GOLGA8B: variants seen among roughly 807,000 people sequenced by gnomAD.
GOLGA8B encodes the protein golgin A8 family member B.
Under a neutral mutation model 15.6 loss-of-function variants are expected in GOLGA8B, and 1 was observed. That is an observed-to-expected ratio of 0.06 (90% confidence interval 0.02 to 0.30). GOLGA8B has a LOEUF of 0.30. GOLGA8B is among the 10% of genes least tolerant of loss of function. The probability of loss-of-function intolerance (pLI) is 1.00; values close to 1 mark genes in which losing one functional copy is unlikely to be tolerated. For synonymous variants in GOLGA8B, 9 were observed against 80.3 expected, an observed-to-expected ratio of 0.11 and a Z score of 4.75; for missense variants, 17 against 201.3, an observed-to-expected ratio of 0.08 and a Z score of 5.54.
At chr15:34,583,085 A>G (rs1291415599) in intron 1 of GOLGA8B, among the ~76,000 whole-genome samples, 3 of 152,088 alleles carry the variant, frequency 2.0e-5, no homozygotes, top group Non-Finnish European at 4.4e-5. Context: ...CAAACTCAGT[A>G]GTTGCCGCCC....
At chr15:34,579,081 G>C (rs1352700093) in intron 1 of GOLGA8B, among the ~76,000 whole-genome samples, 1 of 152,006 alleles carries the variant, frequency 6.6e-6, no homozygotes, top group Non-Finnish European at 1.5e-5. Context: ...CCACAGGCAA[G>C]AGGCCTCATG....
chr15:34,571,481 A>T (rs1453503384), intron 1 of GOLGA8B, among the ~76,000 whole-genome samples: 1 of 151,874 alleles, frequency 6.6e-6, no homozygotes, highest in African/African-American at 2.4e-5. Flanking sequence ...GCACAACAAT[A>T]AAGCAGTAAA....
At chr15:34,575,692 C>G (rs2140354824) in intron 1 of GOLGA8B, among the ~76,000 whole-genome samples, 1 of 152,304 alleles carries the variant, frequency 6.6e-6, no homozygotes, top group South Asian at 2.1e-4. Context: ...CAAACCCACC[C>G]ACTCTTCTAG....
Position 34,576,468 on chromosome 15 carries a change from CAA to C in GOLGA8B, c.-1123+7046_-1123+7047del, listed in dbSNP as rs199657185. On this transcript the variant is annotated intron_variant, in intron 1 of 23. Coordinates refer to ENST00000683415, the MANE Select transcript of GOLGA8B (RefSeq NM_001023567.5). ...TCAAAGCTTCCAACCCAACACAGCA[CAA>C]AGACGTCTTCCCCAACAACCACACA... 6.6e-5 allele frequency among the ~76,000 whole-genome samples: 10 copies of C among 152,348 alleles called. No individual in the cohort carries two copies. The East Asian group carries it at 1.9e-3, about 29-fold the overall frequency.
At chr15:34,572,817 T>C (rs553847512) in intron 1 of GOLGA8B, among the ~76,000 whole-genome samples, 31 of 152,376 alleles carry the variant, frequency 2.0e-4, no homozygotes, top group African/African-American at 7.2e-4. Context: ...ATCTGTGTTA[T>C]ATAGATCTAT....
At chr15:34,579,861 G>A (rs1480577458) in intron 1 of GOLGA8B, among the ~76,000 whole-genome samples, 1 of 152,228 alleles carries the variant, frequency 6.6e-6, no homozygotes, top group Non-Finnish European at 1.5e-5. Context: ...GGGATCCAGA[G>A]GTGAACAAAG....
intron 1 of GOLGA8B, among the ~76,000 whole-genome samples, chr15:34,583,300 G>A (rs1373290562): frequency 1.3e-5 from 2 of 152,106 alleles, no homozygotes; most frequent in Non-Finnish European, 2.9e-5. Flanking sequence ...GTGGGAGGAG[G>A]ATGGGCCGGT....
At chr15:34,576,798 C>G (rs1028035897) in intron 1 of GOLGA8B, among the ~76,000 whole-genome samples, 3 of 152,190 alleles carry the variant, frequency 2.0e-5, no homozygotes, top group Non-Finnish European at 4.4e-5. Context: ...AGCTTTCACG[C>G]GTACCAGCCA....
rs963443130 is a variant in GOLGA8B at position 34,526,604 on chromosome 15, T to G, written c.*1028A>C. On this transcript the variant is annotated 3_prime_UTR_variant, in exon 24 of 24. Coordinates refer to ENST00000683415, the MANE Select transcript of GOLGA8B (RefSeq NM_001023567.5). Reference sequence around the variant, plus strand: ...GCCTGTTTCAGAGACATTTAAACTCTTAAAGGATGTCTTATGATCTTTACT... The same window carrying G: ...GCCTGTTTCAGAGACATTTAAACTCGTAAAGGATGTCTTATGATCTTTACT... The G allele has an allele frequency of 6.7e-6, 1 of 149,124 alleles. No individual in the cohort carries two copies. The highest frequency in any genetic ancestry group is 1.5e-5 in the Non-Finnish European group (1 of 67,246). The allele number at this position is 149,124 out of a possible 1,614,324, so 9.2% of individuals were successfully genotyped here. A position where few individuals can be genotyped will look rare whatever the true frequency, so the allele number is the denominator to read the frequency against.
intron 1 of GOLGA8B, among the ~76,000 whole-genome samples, chr15:34,579,289 C>A (rs974147930): frequency 1.3e-5 from 2 of 151,850 alleles, no homozygotes; most frequent in African/African-American, 2.4e-5. Flanking sequence ...GAGAGTCAAG[C>A]AGGAGGAGGC....
chr15:34,579,355 T>C (rs1889167901), intron 1 of GOLGA8B, among the ~76,000 whole-genome samples: 2 of 151,916 alleles, frequency 1.3e-5, no homozygotes, highest in African/African-American at 4.8e-5. Flanking sequence ...TGACATTAGG[T>C]ACAAGACAAG....
intron 1 of GOLGA8B, among the ~76,000 whole-genome samples, chr15:34,576,245 T>C (rs1393896219): frequency 1.3e-5 from 2 of 152,078 alleles, no homozygotes; most frequent in African/African-American, 2.4e-5. Flanking sequence ...TCAAGACAAG[T>C]TGGAGATGAG....
At chr15:34,573,013 A>T (rs556233830) in intron 1 of GOLGA8B, among the ~76,000 whole-genome samples, 1 of 152,024 alleles carries the variant, frequency 6.6e-6, no homozygotes. Flanking sequence ...TACTCAGGAG[A>T]CCGAGGCAGG....
At chr15:34,579,248 C>T (rs565627772) in intron 1 of GOLGA8B, among the ~76,000 whole-genome samples, 11 of 152,038 alleles carry the variant, frequency 7.2e-5, no homozygotes, top group African/African-American at 2.7e-4. Context: ...ACCAAAGCAT[C>T]TTCTCCAACC....
chr15:34,568,601 T>C (rs868703279), intron 1 of GOLGA8B, among the ~76,000 whole-genome samples: 474 of 10,434 alleles, frequency 0.045, no homozygotes, highest in Admixed American at 0.07. Flanking sequence ...GAGGATCACT[T>C]GAGCTCAAGT....
intron 1 of GOLGA8B, among the ~76,000 whole-genome samples, chr15:34,576,094 T>C (rs569305950): frequency 7.2e-4 from 109 of 152,258 alleles, no homozygotes; most frequent in African/African-American, 2.2e-3. Flanking sequence ...CCGCACCCCT[T>C]TGTTTCCACT....
chr15:34,564,401 A>C (rs1443500245), intron 1 of GOLGA8B, among the ~76,000 whole-genome samples: 2 of 147,898 alleles, frequency 1.4e-5, no homozygotes, highest in African/African-American at 2.5e-5. Context: ...CTTTACTTCT[A>C]GGCTGCTGTA....
At position 34,525,111 on chromosome 15, in the gene GOLGA8B, C is replaced by T. The variant is rs1390679878; in HGVS notation, c.*2521G>A. Reference sequence around the variant, plus strand: ...CCCCATAACTTTTTTAATCCCATACCTTTTTTATTTTGTGTTCTTTTAATA... The same window carrying T: ...CCCCATAACTTTTTTAATCCCATACTTTTTTTATTTTGTGTTCTTTTAATA... On this transcript the variant is annotated 3_prime_UTR_variant, in exon 24 of 24. Transcript: ENST00000683415. The T allele has an allele frequency of 6.7e-6, 1 of 149,422 alleles. No individual in the cohort carries two copies. The highest frequency in any genetic ancestry group is 1.5e-5 in the Non-Finnish European group (1 of 67,194). 9.3% of individuals were successfully genotyped at this position (149,422 alleles called of 1,614,324 possible). A position where few individuals can be genotyped will look rare whatever the true frequency, so the allele number is the denominator to read the frequency against.
intron 1 of GOLGA8B, among the ~76,000 whole-genome samples, chr15:34,564,355 T>TTTTA (rs530527773): frequency 6.6e-5 from 7 of 105,478 alleles, no homozygotes; most frequent in African/African-American, 1.0e-4. Context: ...TGTAGATTCT[T>TTTTA]AAAAAAAAAA....
Sources: allele counts gnomAD v4.1 joint callset (sites outside exome capture counted in the v4.1 genomes callset), GRCh38; gene constraint gnomAD v4.1.1; transcripts MANE v1.5; gene names NCBI Gene and HGNC (gene_info 2026-07-23, HGNC 2026-07-21).